Variants in MGAT5 observed in about 807,000 individuals in gnomAD.
MGAT5 encodes the protein alpha-1,6-mannosylglycoprotein 6-beta-N-acetylglucosaminyltransferase A.
A neutral mutation model predicts 94.3 loss-of-function variants in MGAT5; 30 were observed. That is an observed-to-expected ratio of 0.32 (90% CI 0.24 to 0.43). MGAT5 has a LOEUF of 0.43. MGAT5 is among the 20% of genes least tolerant of loss of function. The pLI is 1.00. For missense variants in MGAT5, 691 were observed against 905.5 expected (o/e 0.76, Z 3.04); for synonymous variants, 310 against 322.9 (o/e 0.96, Z 0.43).
chr2:134,349,693 A>G (rs565524852), intron 8 of MGAT5, 112 bp from the exon 9 acceptor site: 181 of 1,200,284 alleles, frequency 1.5e-4, no homozygotes, highest in Admixed American at 8.4e-4. Flanking sequence ...TCCTGCTTCT[A>G]TTTAAAAGGA....
At chr2:134,153,909 C>T (rs1274016762) in intron 1 of MGAT5, among the ~76,000 whole-genome samples, 1 of 152,182 alleles carries the variant, frequency 6.6e-6, no homozygotes, top group Non-Finnish European at 1.5e-5. Flanking sequence ...CCACTCTCTC[C>T]CTCCCTTCCC....
chr2:134,120,230 C>T (rs942599618), exon 1 of MGAT5: 68 of 363,494 alleles, frequency 1.9e-4, no homozygotes, highest in African/African-American at 1.2e-3. Flanking sequence ...CCTCGCGCCT[C>T]GGGCCGCGTG....
At chr2:134,142,942 T>A (rs1686729407) in intron 1 of MGAT5, among the ~76,000 whole-genome samples, 1 of 150,174 alleles carries the variant, frequency 6.7e-6, no homozygotes, top group Non-Finnish European at 1.5e-5. Context: ...TTTTCAAGAG[T>A]GATAGAATTG....
In MGAT5 at chr2:134,330,554, A is replaced by AGTGTGTGTGTGTGTGTGTGTGTGTGT. The variant is rs34688054; in HGVS notation, c.574-5658_574-5633dup. Among the ~76,000 whole-genome samples the AGTGTGTGTGTGTGTGTGTGTGTGTGT allele has an allele frequency of 1.3e-3, 186 of 148,592 alleles. 1 individual carries two copies. The highest frequency in any genetic ancestry group is 3.6e-3 in the African/African-American group (140 of 39,274). On this transcript the variant is annotated intron_variant, in intron 4 of 15. Coordinates refer to ENST00000281923, the MANE Select transcript of MGAT5 (RefSeq NM_002410.5). ...GGCCCTATGGGGAATTAAATTGTGT[A>AGTGTGTGTGTGTGTGTGTGTGTGTGT]GTGTGTGTGTGTGTGTGTGTGTGTG...
intron 10 of MGAT5, 91 bp downstream of exon 10, chr2:134,362,499 G>A (rs1416662292): frequency 6.8e-6 from 10 of 1,468,596 alleles, no homozygotes; most frequent in Middle Eastern, 3.7e-4. Flanking sequence ...CAAGCCAAGT[G>A]CCCAGGGCTT....
At chr2:134,321,281 C>T (rs745518341) in intron 4 of MGAT5, among the ~76,000 whole-genome samples, 1 of 147,984 alleles carries the variant, frequency 6.8e-6, no homozygotes, top group Non-Finnish European at 1.5e-5. Flanking sequence ...AAGAATTTAG[C>T]CAGAGTCTGA....
At chr2:134,168,355 G>A (rs1175466999) in intron 1 of MGAT5, among the ~76,000 whole-genome samples, 1 of 152,196 alleles carries the variant, frequency 6.6e-6, no homozygotes, top group Non-Finnish European at 1.5e-5. Flanking sequence ...CAGTATTAGT[G>A]AGTTGGGACA....
chr2:134,442,948 G>A (rs1216460397), intron 15 of MGAT5, among the ~76,000 whole-genome samples: 1 of 152,166 alleles, frequency 6.6e-6, no homozygotes, highest in Non-Finnish European at 1.5e-5. Context: ...GGATGTTTAG[G>A]AAGTGGAGTG....
At chr2:134,195,064 T>C (rs182396066) in intron 1 of MGAT5, among the ~76,000 whole-genome samples, 2 of 152,278 alleles carry the variant, frequency 1.3e-5, no homozygotes, top group Admixed American at 1.3e-4. Context: ...TGGCCTCTGA[T>C]CTCAAATATC....
chr2:134,395,206 C>G (rs928088669), intron 10 of MGAT5, among the ~76,000 whole-genome samples: 1 of 152,230 alleles, frequency 6.6e-6, no homozygotes, highest in Non-Finnish European at 1.5e-5. Context: ...AAAGAGAAAC[C>G]AGCTCTGCAA....
chr2:134,205,523 C>T (rs1412591437), intron 1 of MGAT5, among the ~76,000 whole-genome samples: 1 of 152,150 alleles, frequency 6.6e-6, no homozygotes. Context: ...GTGGGAGATG[C>T]TGTTTGCTGA....
At chr2:134,157,867 C>A (rs1212402302) in intron 1 of MGAT5, among the ~76,000 whole-genome samples, 1 of 152,122 alleles carries the variant, frequency 6.6e-6, no homozygotes, top group East Asian at 1.9e-4. Context: ...AGAGGGTCTT[C>A]ATTGAGCAGC....
chr2:134,249,311 T>C (rs1279673843), upstream of MGAT5, among the ~76,000 whole-genome samples: 3 of 151,964 alleles, frequency 2.0e-5, no homozygotes, highest in Non-Finnish European at 4.4e-5. Flanking sequence ...TGGCTTTTGG[T>C]ATGTCCACAG....
At chr2:134,329,430 A>G (rs992378932) in intron 4 of MGAT5, among the ~76,000 whole-genome samples, 1 of 152,138 alleles carries the variant, frequency 6.6e-6, no homozygotes, top group African/African-American at 2.4e-5. Flanking sequence ...TTCGTTAACC[A>G]TACAGTACTG....
intron 1 of MGAT5, among the ~76,000 whole-genome samples, chr2:134,162,361 A>G (rs1200511071): frequency 6.6e-6 from 1 of 152,210 alleles, no homozygotes; most frequent in Non-Finnish European, 1.5e-5. Context: ...GAATATGACC[A>G]GAAGGAGATG....
intron 1 of MGAT5, among the ~76,000 whole-genome samples, chr2:134,261,188 AT>A (rs1320123649): frequency 6.6e-6 from 1 of 152,044 alleles, no homozygotes; most frequent in Non-Finnish European, 1.5e-5. Flanking sequence ...TTGAGGAGGG[AT>A]TGCACGCACA....
At chr2:134,323,280 G>A (rs1687439245) in intron 4 of MGAT5, among the ~76,000 whole-genome samples, 1 of 152,152 alleles carries the variant, frequency 6.6e-6, no homozygotes, top group African/African-American at 2.4e-5. Context: ...CTGAGTGGTT[G>A]CCTTTCTTTA....
At chr2:134,416,360 G>T (rs1436172860) in intron 12 of MGAT5, among the ~76,000 whole-genome samples, 2 of 151,958 alleles carry the variant, frequency 1.3e-5, no homozygotes, top group Non-Finnish European at 2.9e-5. Flanking sequence ...CCTATTCTAG[G>T]TACCTCATAT....
intron 1 of MGAT5, among the ~76,000 whole-genome samples, chr2:134,183,699 T>C (rs1314289445): frequency 6.6e-6 from 1 of 152,232 alleles, no homozygotes; most frequent in Non-Finnish European, 1.5e-5. Flanking sequence ...AAATTCACTT[T>C]AAACTATTAT....
Sources: gnomAD v4.1 joint callset for allele counts (sites outside exome capture counted in the v4.1 genomes callset) on GRCh38, gnomAD v4.1.1 for gene constraint, MANE v1.5 for transcripts, NCBI Gene and HGNC (gene_info 2026-07-23, HGNC 2026-07-21) for gene names.